The following QPCT variants were observed in gnomAD, a reference collection of about 807,000 sequenced individuals.
QPCT encodes EC.
Under a neutral mutation model 43.4 loss-of-function variants are expected in QPCT, and 44 were observed. The ratio of observed to expected loss-of-function variants is 1.01; its 90% CI spans 0.80 to 1.30. The LOEUF (loss-of-function observed/expected upper bound fraction) is 1.30, where lower values mean the gene tolerates loss of function less well. Ranked by LOEUF, QPCT falls within the 50% of genes most tolerant of loss-of-function variation. QPCT has a pLI of 0.00. For synonymous variants in QPCT, 168 were observed against 168.4 expected, an observed-to-expected ratio of 1.00 and a Z score of 0.02; for missense variants, 526 against 436.5, an observed-to-expected ratio of 1.21 and a Z score of -1.83.
At chr2:37,351,019 C>T (rs950793354) in intron 1 of QPCT, among the ~76,000 whole-genome samples, 2 of 152,158 alleles carry the variant, frequency 1.3e-5, no homozygotes, top group African/African-American at 2.4e-5. Flanking sequence ...GATCCTATAG[C>T]CCATGCTCTT....
intron 1 of QPCT, among the ~76,000 whole-genome samples, chr2:37,351,527 T>G (rs1672625722): frequency 6.6e-6 from 1 of 152,220 alleles, no homozygotes; most frequent in Non-Finnish European, 1.5e-5. Context: ...GGCTATAGAT[T>G]CACCAAGCTC....
intron 1 of QPCT, among the ~76,000 whole-genome samples, chr2:37,349,799 G>T (rs1672581117): frequency 6.7e-6 from 1 of 149,486 alleles, no homozygotes; most frequent in African/African-American, 2.5e-5. Flanking sequence ...GCTTGCTTGT[G>T]CATTCAGCTG....
rs1558599491 is a variant in QPCT at position 37,347,196 on chromosome 2, T to TATATATATATAA, written c.120+2354_120+2355insTAAATATATATA. On this transcript the variant is annotated intron_variant, in intron 1 of 6. Coordinates refer to ENST00000338415, the MANE Select transcript of QPCT (RefSeq NM_012413.4). ...ATATATATAACATATATATATAACA[T>TATATATATATAA]ATATATATAACATATATATAACATA... Among the ~76,000 whole-genome samples, 25 of 62,760 alleles carry TATATATATATAA rather than the reference T, an allele frequency of 4.0e-4. 1 individual carries two copies. The South Asian group carries it at 5.2e-3, about 13-fold the overall frequency. 41.2% of individuals were successfully genotyped at this position (62,760 alleles called of 152,430 possible).
intron 1 of QPCT, 57 bp downstream of exon 1, chr2:37,344,908 C>G (rs1466310640): frequency 6.7e-7 from 1 of 1,488,516 alleles, no homozygotes; most frequent in East Asian, 2.6e-5. Flanking sequence ...ATGCGAGGAC[C>G]CCTGGCCGGG....
At position 37,372,377 on chromosome 2, in the gene QPCT, G is replaced by A. The variant is rs760112401; in HGVS notation, c.845G>A (p.Gly282Asp). ...QAIEHELHELGLLKDHSLEGR... is the reference protein window; with the variant it reads ...QAIEHELHELDLLKDHSLEGR... ...ACAGAACATGAACTTCATGAATTGG[G>A]TTTGCTCAAGGATCACTCTTTGGAG... Residue 282 changes from glycine to aspartate, a missense_variant, in exon 6 of 7, where the codon GGT becomes GAT. Physicochemically the swap from Gly to Asp is moderately conservative, Grantham distance 94 (BLOSUM62 -1). Transcript: ENST00000338415. 5 of 1,613,672 alleles carry A rather than the reference G, an allele frequency of 3.1e-6. No individual in the cohort carries two copies. The highest frequency in any genetic ancestry group is 1.3e-5 in the African/African-American group (1 of 74,886).
At chr2:37,349,650 G>A (rs1672577735) in intron 1 of QPCT, among the ~76,000 whole-genome samples, 1 of 152,122 alleles carries the variant, frequency 6.6e-6, no homozygotes, top group African/African-American at 2.4e-5. Flanking sequence ...TTGTCATAGT[G>A]ACTGCTTGGG....
chr2:37,364,375 A>G (rs1453358766), intron 3 of QPCT, among the ~76,000 whole-genome samples: 2 of 152,226 alleles, frequency 1.3e-5, no homozygotes, highest in African/African-American at 2.4e-5. Context: ...GATAGGCAGC[A>G]GGCCTAGTGG....
intron 2 of QPCT, among the ~76,000 whole-genome samples, chr2:37,355,078 G>T (rs1163185790): frequency 6.6e-6 from 1 of 152,162 alleles, no homozygotes; most frequent in South Asian, 2.1e-4. Context: ...ACTATCATAT[G>T]GGGGTGGAGG....
At chr2:37,369,562 A>T (rs1259839014) in intron 4 of QPCT, 123 bp from the exon 5 acceptor site, 8 of 718,738 alleles carry the variant, frequency 1.1e-5, no homozygotes, top group Non-Finnish European at 1.9e-5. Context: ...GTTCATTCAT[A>T]TAGCTTGCCA....
At chr2:37,348,434 C>T (rs3770753) in intron 1 of QPCT, among the ~76,000 whole-genome samples, 26 of 152,182 alleles carry the variant, frequency 1.7e-4, no homozygotes, top group South Asian at 1.2e-3. Flanking sequence ...CAGTGGCATC[C>T]GACACACAGA....
intron 1 of QPCT, among the ~76,000 whole-genome samples, chr2:37,347,181 C>CATATATATATAACAT (rs1241387519): frequency 2.7e-5 from 1 of 36,796 alleles, no homozygotes. Flanking sequence ...ATATATATAA[C>CATATATATATAACAT]ATATATATAT....
At chr2:37,349,219 G>A (rs1238155083) in intron 1 of QPCT, among the ~76,000 whole-genome samples, 1 of 152,214 alleles carries the variant, frequency 6.6e-6, no homozygotes, top group East Asian at 1.9e-4. Flanking sequence ...AGGAGAGTCA[G>A]GGCTCTTTAC....
At position 37,368,693 on chromosome 2, in the gene QPCT, G is replaced by T. The variant is rs763745973; in HGVS notation, c.724-992G>T. 24 of 470,912 alleles carry T rather than the reference G, an allele frequency of 5.1e-5. No homozygotes were observed. The Middle Eastern group carries it at 9.7e-4, about 19-fold the overall frequency. The allele number at this position is 470,912 out of a possible 1,614,324, so 29.2% of individuals were successfully genotyped here. ...ATCATTCATTCACTTGTGCCCAAGT[G>T]CCCAAAAAGCATTCAGAACATATTC... is the stretch of plus-strand genomic sequence containing the variant. On this transcript the variant is annotated intron_variant, in intron 4 of 6. Transcript: ENST00000338415.
chr2:37,346,148 A>T (rs1672485755), intron 1 of QPCT, among the ~76,000 whole-genome samples: 1 of 151,986 alleles, frequency 6.6e-6, no homozygotes, highest in African/African-American at 2.4e-5. Flanking sequence ...TATATATATG[A>T]ATAGCCCATT....
chr2:37,355,385 G>T (rs1672720275), intron 2 of QPCT, among the ~76,000 whole-genome samples: 1 of 152,024 alleles, frequency 6.6e-6, no homozygotes, highest in African/African-American at 2.4e-5. Flanking sequence ...AAACAAAAAT[G>T]ATTGAACCTT....
chr2:37,366,652 G>T (rs972155404), intron 3 of QPCT, among the ~76,000 whole-genome samples: 2 of 152,228 alleles, frequency 1.3e-5, no homozygotes, highest in Non-Finnish European at 2.9e-5. Context: ...ACTTATTAGG[G>T]AGTGGCCTTG....
At chr2:37,369,872 C>G in intron 5 of QPCT, 88 bp downstream of exon 5, 1 of 1,283,710 alleles carries the variant, frequency 7.8e-7, no homozygotes, top group Non-Finnish European at 1.1e-6. Flanking sequence ...TATAATTTGG[C>G]TGGGCGCAGT....
intron 2 of QPCT, among the ~76,000 whole-genome samples, chr2:37,356,282 C>T (rs1389247536): frequency 1.1e-4 from 17 of 152,088 alleles, no homozygotes; most frequent in African/African-American, 4.1e-4. Context: ...TTTTCTTTCT[C>T]TACTCAGTCT....
rs1279007119 is a variant in QPCT at position 37,350,633 on chromosome 2, C to A, written c.121-2156C>A. Among the ~76,000 whole-genome samples the A allele has an allele frequency of 3.3e-5, 5 of 152,312 alleles. No homozygotes were observed. The East Asian group carries it at 9.6e-4, about 29-fold the overall frequency. ...GATTGGAAATCCCCAGACAGCGGAT[C>A]TTTTTGTGGATTTACCTGTAACTCT... On this transcript the variant is annotated intron_variant, in intron 1 of 6. Coordinates refer to ENST00000338415, the MANE Select transcript of QPCT (RefSeq NM_012413.4).
Sources: gnomAD v4.1 joint callset for allele counts (sites outside exome capture counted in the v4.1 genomes callset) on GRCh38, gnomAD v4.1.1 for gene constraint, MANE v1.5 for transcripts, NCBI Gene and HGNC (gene_info 2026-07-23, HGNC 2026-07-21) for gene names.